Variants in LRRC3C observed in about 807,000 individuals in gnomAD.
LRRC3C encodes leucine-rich repeat-containing protein 3C.
A neutral mutation model predicts 14.8 loss-of-function variants in LRRC3C; 11 were observed. The observed-to-expected ratio is 0.74, with a 90% confidence interval of 0.47 to 1.23. The LOEUF (loss-of-function observed/expected upper bound fraction) is 1.23, where lower values mean the gene tolerates loss of function less well. Ranked by LOEUF, LRRC3C falls within the 50% of genes most tolerant of loss-of-function variation. The pLI is 0.00. For synonymous variants in LRRC3C, 149 were observed against 161.5 expected (o/e 0.92, Z 0.59); for missense variants, 354 against 361.8 (o/e 0.98, Z 0.18).
chr17:39,938,827 A>C (rs1458506981), intron 2 of LRRC3C, among the ~76,000 whole-genome samples: 1 of 152,128 alleles, frequency 6.6e-6, no homozygotes, highest in African/African-American at 2.4e-5. Flanking sequence ...CTCTGCTAAA[A>C]ATACAAAAAT....
intron 3 of LRRC3C, 61 bp from the exon 4 acceptor site, chr17:39,943,872 G>A: frequency 1.3e-6 from 2 of 1,495,918 alleles, no homozygotes; most frequent in Non-Finnish European, 1.8e-6. Context: ...GGAGAAAGCT[G>A]GCAGTGGGGC....
At chr17:39,943,256 C>T (rs576931470) in intron 3 of LRRC3C, among the ~76,000 whole-genome samples, 6 of 152,274 alleles carry the variant, frequency 3.9e-5, no homozygotes, top group Admixed American at 2.0e-4. Flanking sequence ...AGGGAGCCTA[C>T]GTCCAGGGAC....
At chr17:39,927,957 A>G in intron 1 of LRRC3C, 143 bp downstream of exon 1, 2 of 784,820 alleles carry the variant, frequency 2.5e-6, no homozygotes. Flanking sequence ...AAACCCAAAT[A>G]TTCTGACCCC....
chr17:39,933,615 C>T (rs1194628444), intron 1 of LRRC3C, among the ~76,000 whole-genome samples: 2 of 152,156 alleles, frequency 1.3e-5, no homozygotes, highest in African/African-American at 4.8e-5. Flanking sequence ...CGCCTGTAAT[C>T]CCAGCTACTC....
At chr17:39,943,518 G>A (rs1978992179) in intron 3 of LRRC3C, among the ~76,000 whole-genome samples, 1 of 152,180 alleles carries the variant, frequency 6.6e-6, no homozygotes. Flanking sequence ...TCACGCGAGT[G>A]CCAACCAGAC....
chr17:39,927,739 G>A lies in LRRC3C; in HGVS notation c.-250G>A. ...GGAGTTGTAGTTTTTCCTGGGCTCC[G>A]TTCCCGGCCTCTTCGGGGACGCACG... On this transcript the variant is annotated 5_prime_UTR_variant, in exon 1 of 4. Transcript: ENST00000377924. 1 of 985,474 alleles carries A rather than the reference G, an allele frequency of 1.0e-6. No homozygotes were observed. The highest frequency in any genetic ancestry group is 6.1e-5 in the Admixed American group (1 of 16,286). The allele number at this position is 985,474 out of a possible 1,614,324, so 61.0% of individuals were successfully genotyped here. A position where few individuals can be genotyped will look rare whatever the true frequency, so the allele number is the denominator to read the frequency against.
At chr17:39,935,461 A>C (rs1234397211) in intron 1 of LRRC3C, among the ~76,000 whole-genome samples, 1 of 151,962 alleles carries the variant, frequency 6.6e-6, no homozygotes, top group Non-Finnish European at 1.5e-5. Context: ...GGGGACATTT[A>C]GTTCTCAGCC....
intron 1 of LRRC3C, among the ~76,000 whole-genome samples, chr17:39,933,658 G>A (rs905636606): frequency 8.5e-5 from 13 of 152,130 alleles, no homozygotes; most frequent in Non-Finnish European, 1.3e-4. Context: ...GCGTGAACCC[G>A]GGAGGCGGAG....
intron 2 of LRRC3C, among the ~76,000 whole-genome samples, chr17:39,941,003 C>T (rs760593645): frequency 3.3e-5 from 5 of 151,930 alleles, no homozygotes; most frequent in Admixed American, 6.5e-5. Context: ...CTCGGCCTCC[C>T]GAAGAGCTAG....
At chr17:39,929,559 A>G (rs1328885475) in intron 1 of LRRC3C, 2 of 152,118 alleles carry the variant, frequency 1.3e-5, no homozygotes, top group Non-Finnish European at 2.9e-5. Flanking sequence ...CACTATTCAG[A>G]GTGAGTGACA....
intron 1 of LRRC3C, among the ~76,000 whole-genome samples, chr17:39,933,280 C>T (rs1261836321): frequency 2.6e-5 from 4 of 152,172 alleles, no homozygotes; most frequent in Admixed American, 2.6e-4. Context: ...GACACATTCC[C>T]CAGCCTCAGT....
intron 1 of LRRC3C, among the ~76,000 whole-genome samples, chr17:39,928,402 C>G (rs928729382): frequency 7.2e-5 from 11 of 152,224 alleles, no homozygotes; most frequent in African/African-American, 2.4e-4. Context: ...CAGTGTGACC[C>G]TGGGCAAATT....
intron 2 of LRRC3C, among the ~76,000 whole-genome samples, chr17:39,936,667 AT>A (rs1568118180): frequency 6.9e-6 from 1 of 143,970 alleles, no homozygotes; most frequent in Non-Finnish European, 1.5e-5. Context: ...AAAAAAAAAA[AT>A]ATCTGGGCAT....
intron 3 of LRRC3C, among the ~76,000 whole-genome samples, chr17:39,941,932 G>T (rs1309499786): frequency 6.6e-6 from 1 of 152,194 alleles, no homozygotes; most frequent in Non-Finnish European, 1.5e-5. Flanking sequence ...ACTGGAGATA[G>T]TGTGGGTAGG....
intron 1 of LRRC3C, among the ~76,000 whole-genome samples, chr17:39,930,068 C>T (rs1978602605): frequency 6.6e-6 from 1 of 151,430 alleles, no homozygotes; most frequent in Admixed American, 6.6e-5. Flanking sequence ...GGCTTGTGTC[C>T]AGGAGTTCGA....
chr17:39,944,380 C>T lies in LRRC3C; in HGVS notation c.474C>T (p.Ser158=), dbSNP rs74717022. 150,449 of 1,526,556 alleles carry T rather than the reference C, an allele frequency of 0.099. 8,021 individuals are homozygous for T. The highest frequency in any genetic ancestry group is 0.12 in the African/African-American group (8,666 of 72,882). The allele number at this position is 1,526,556 out of a possible 1,614,324, so 94.6% of individuals were successfully genotyped here. Residue 158 remains serine, a synonymous_variant, in exon 4 of 4, where the codon TCC becomes TCT. Transcript: ENST00000377924. ...GGCTACAGATCCAAGTGAACCTATC[C>T]GCAAACCCATGGCACTGTGACTGCG... The part of the protein sequence containing the change: ...FVGLQIQVNL[S]ANPWHCDCAL...
intron 1 of LRRC3C, among the ~76,000 whole-genome samples, chr17:39,933,481 T>G (rs1322111766): frequency 3.3e-5 from 5 of 152,168 alleles, no homozygotes. Context: ...ACGCCTGTAA[T>G]CCCAGCACTT....
chr17:39,937,027 C>T (rs1371048888), intron 2 of LRRC3C, among the ~76,000 whole-genome samples: 1 of 151,996 alleles, frequency 6.6e-6, no homozygotes, highest in African/African-American at 2.4e-5. Context: ...ATCCCAGCTA[C>T]TCAGGAGGCT....
At chr17:39,938,100 C>T (rs1183007530) in intron 2 of LRRC3C, among the ~76,000 whole-genome samples, 3 of 152,106 alleles carry the variant, frequency 2.0e-5, no homozygotes, top group East Asian at 3.9e-4. Flanking sequence ...CCACTGCACT[C>T]CAGCCTGGGC....
Sources: gnomAD v4.1 joint callset for allele counts (sites outside exome capture counted in the v4.1 genomes callset) on GRCh38, gnomAD v4.1.1 for gene constraint, MANE v1.5 for transcripts, NCBI Gene and HGNC (gene_info 2026-07-23, HGNC 2026-07-21) for gene names.